Variants in PDE4D observed in about 807,000 individuals in gnomAD.
PDE4D encodes 3',5'-cyclic-AMP phosphodiesterase 4D.
A neutral mutation model predicts 87.4 loss-of-function variants in PDE4D; 24 were observed. That is an observed-to-expected ratio of 0.27 (90% CI 0.20 to 0.39). The LOEUF (loss-of-function observed/expected upper bound fraction) is 0.39, where lower values mean the gene tolerates loss of function less well. Ranked by LOEUF, PDE4D falls within the 10% of genes least tolerant of loss-of-function variation. PDE4D has a pLI of 1.00. For missense variants in PDE4D, 714 were observed against 1,041.0 expected (o/e 0.69, Z 4.32); for synonymous variants, 384 against 383.2 (o/e 1.00, Z -0.02).
chr5:59,992,488 C>T (rs1248922902), intron 2 of PDE4D, among the ~76,000 whole-genome samples: 2 of 152,164 alleles, frequency 1.3e-5, no homozygotes, highest in African/African-American at 4.8e-5. Flanking sequence ...TGTGTAAATA[C>T]TCTTCTTCTG....
intron 3 of PDE4D, among the ~76,000 whole-genome samples, chr5:59,934,937 C>A (rs1756400086): frequency 6.6e-6 from 1 of 152,058 alleles, no homozygotes; most frequent in African/African-American, 2.4e-5. Flanking sequence ...CGACAATTTT[C>A]AATGTCAGAA....
chr5:60,466,622 C>A (rs1020827958), intron 1 of PDE4D, among the ~76,000 whole-genome samples: 9 of 152,142 alleles, frequency 5.9e-5, no homozygotes, highest in African/African-American at 1.9e-4. Context: ...AAGTCAGGAG[C>A]AATTCAATGA....
chr5:59,356,846 T>A, intron 1 of PDE4D: 1 of 1,546,496 alleles, frequency 6.5e-7, no homozygotes, highest in Non-Finnish European at 8.6e-7. Context: ...ACAAAAGCCA[T>A]TTTTAAGGAC....
At chr5:59,566,301 C>T (rs1307242219) in intron 1 of PDE4D, among the ~76,000 whole-genome samples, 1 of 152,122 alleles carries the variant, frequency 6.6e-6, no homozygotes, top group African/African-American at 2.4e-5. Flanking sequence ...TGCCTGCCTC[C>T]ACCCTGGCTC....
At chr5:59,209,055 C>T (rs1304553142) in intron 2 of PDE4D, among the ~76,000 whole-genome samples, 1 of 152,106 alleles carries the variant, frequency 6.6e-6, no homozygotes, top group African/African-American at 2.4e-5. Context: ...GGGATCCTAA[C>T]AGAATTAAGA....
intron 1 of PDE4D, among the ~76,000 whole-genome samples, chr5:59,340,820 T>C (rs79994445): frequency 0.097 from 14,821 of 152,200 alleles, 841 homozygotes; most frequent in Middle Eastern, 0.14. Flanking sequence ...CTTAATATAA[T>C]GACCTCCAGT....
At chr5:60,326,391 G>A (rs988801497) in intron 1 of PDE4D, among the ~76,000 whole-genome samples, 1 of 152,036 alleles carries the variant, frequency 6.6e-6, no homozygotes, top group African/African-American at 2.4e-5. Context: ...TCCTTTAAAG[G>A]TAAAAGATAA....
intron 3 of PDE4D, among the ~76,000 whole-genome samples, chr5:59,985,145 G>GTTTTTTTTTTTTTTTTTTTTTTTTT (rs572481656): frequency 9.0e-6 from 1 of 110,556 alleles, no homozygotes; most frequent in Non-Finnish European, 1.9e-5. Context: ...TTTGTTTTTT[G>GTTTTTTTTTTTTTTTTTTTTTTTTT]TTTTTTATTT....
chr5:59,573,246 C>T (rs889200380), intron 1 of PDE4D, among the ~76,000 whole-genome samples: 1 of 152,184 alleles, frequency 6.6e-6, no homozygotes, highest in Non-Finnish European at 1.5e-5. Context: ...CCAAAACTCA[C>T]CTCTAAATTT....
At chr5:59,415,376 A>G (rs1793425457) in intron 1 of PDE4D, among the ~76,000 whole-genome samples, 1 of 152,236 alleles carries the variant, frequency 6.6e-6, no homozygotes, top group Non-Finnish European at 1.5e-5. Context: ...CAACTTGCCA[A>G]TACAGTCAGT....
intron 1 of PDE4D, among the ~76,000 whole-genome samples, chr5:59,292,634 A>G (rs955165794): frequency 5.3e-5 from 8 of 152,214 alleles, no homozygotes; most frequent in Non-Finnish European, 1.2e-4. Context: ...AAATGTTAAG[A>G]ATACTCATTT....
At chr5:59,504,111 A>T (rs542911946) in intron 1 of PDE4D, among the ~76,000 whole-genome samples, 71 of 152,334 alleles carry the variant, frequency 4.7e-4, no homozygotes, top group African/African-American at 1.7e-3. Context: ...TATGCAATCA[A>T]TAAATGTAAT....
At chr5:59,621,671 G>T (rs1006746259) in intron 1 of PDE4D, among the ~76,000 whole-genome samples, 4 of 152,184 alleles carry the variant, frequency 2.6e-5, no homozygotes, top group Non-Finnish European at 5.9e-5. Flanking sequence ...GGTTGCAAAA[G>T]ATCTTGGTTA....
intron 1 of PDE4D, among the ~76,000 whole-genome samples, chr5:59,645,312 G>A (rs574373122): frequency 1.1e-4 from 17 of 152,248 alleles, no homozygotes; most frequent in Non-Finnish European, 2.2e-4. Flanking sequence ...GAAAAGGCTC[G>A]AGGGGTGGGA....
chr5:60,283,682 G>T (rs571301294), intron 1 of PDE4D, among the ~76,000 whole-genome samples: 8 of 145,414 alleles, frequency 5.5e-5, no homozygotes, highest in African/African-American at 2.2e-4. Flanking sequence ...TTACCTCATG[G>T]GAGTTACAAT....
intron 1 of PDE4D, among the ~76,000 whole-genome samples, chr5:59,667,314 T>A (rs989407169): frequency 6.6e-6 from 1 of 152,048 alleles, no homozygotes; most frequent in Non-Finnish European, 1.5e-5. Flanking sequence ...TTGCATTGCA[T>A]TGCATTACAT....
At chr5:59,687,395 C>T (rs1240230114) in intron 1 of PDE4D, among the ~76,000 whole-genome samples, 2 of 152,174 alleles carry the variant, frequency 1.3e-5, no homozygotes, top group African/African-American at 2.4e-5. Context: ...AGAAACTCTA[C>T]AAACCAGAAG....
intron 1 of PDE4D, among the ~76,000 whole-genome samples, chr5:59,284,081 T>C (rs376666487): frequency 9.9e-5 from 15 of 152,184 alleles, no homozygotes; most frequent in African/African-American, 2.9e-4. Flanking sequence ...TTTCAGATCT[T>C]TGCACACGCA....
chr5:59,038,975 C>T lies in PDE4D; in HGVS notation c.809-4G>A. 1.3e-6 allele frequency: 2 copies of T among 1,573,574 alleles called. No individual in the cohort carries two copies. Among genetic ancestry groups the T allele is most frequent in the East Asian group, 2.3e-5 (1 of 42,680 alleles). On this transcript the variant is annotated splice_polypyrimidine_tract_variant and splice_region_variant and intron_variant, in intron 5 of 14. Coordinates refer to ENST00000340635, the MANE Select transcript of PDE4D (RefSeq NM_001104631.2). ...GCCAGTTTCTGGTAGGCCTCCTCTG[C>T]GAAGAGACAGGGAAAGGGGGACTCA... is the stretch of plus-strand genomic sequence containing the variant.
Sources: gnomAD v4.1 joint callset for allele counts (sites outside exome capture counted in the v4.1 genomes callset) on GRCh38, gnomAD v4.1.1 for gene constraint, MANE v1.5 for transcripts, NCBI Gene and HGNC (gene_info 2026-07-23, HGNC 2026-07-21) for gene names.